Variants in TPTE2 observed in about 807,000 individuals in gnomAD.
TPTE2 encodes the protein transmembrane phosphoinositide 3-phosphatase and tensin homolog 2, also known as phosphatidylinositol 3,4,5-trisphosphate 3-phosphatase TPTE2.
TPTE2 carries 53 observed loss-of-function variants against 78.6 expected under a neutral mutation model. The observed-to-expected ratio is 0.67, with a 90% confidence interval of 0.54 to 0.85. The LOEUF (loss-of-function observed/expected upper bound fraction) is 0.85. Ranked by LOEUF, TPTE2 falls within the 40% of genes least tolerant of loss-of-function variation. TPTE2 has a pLI of 0.00. For synonymous variants in TPTE2, 175 were observed against 206.2 expected (o/e 0.85, Z 1.30); for missense variants, 461 against 623.0 (o/e 0.74, Z 2.77).
chr13:19,538,188 G>A (rs140289634), upstream of TPTE2, among the ~76,000 whole-genome samples: 1,615 of 152,142 alleles, frequency 0.011, 28 homozygotes, highest in African/African-American at 0.036. Flanking sequence ...CTACACCAGA[G>A]CCATAAAGAT....
chr13:19,465,299 C>A, exon 9 of TPTE2: 1 of 1,613,794 alleles, frequency 6.2e-7, no homozygotes, highest in Non-Finnish European at 8.5e-7. Context: ...CCTTGTGTAT[C>A]GCCTTTTGTT....
At chr13:19,427,079 CTTTTTTTTTTT>C (rs55904352) in intron 17 of TPTE2, among the ~76,000 whole-genome samples, 3 of 67,294 alleles carry the variant, frequency 4.5e-5, no homozygotes, top group East Asian at 8.6e-4. Flanking sequence ...CTTTTCTTTT[CTTTTTTTTTTT>C]TTTTTTTTTT....
intron 10 of TPTE2, among the ~76,000 whole-genome samples, chr13:19,456,469 A>T (rs1878542081): frequency 1.3e-5 from 2 of 152,220 alleles, no homozygotes; most frequent in African/African-American, 2.4e-5. Context: ...AGACAAACAA[A>T]TAAACAAAAG....
chr13:19,536,804 T>C (rs1253197385), upstream of TPTE2: 1 of 152,008 alleles, frequency 6.6e-6, no homozygotes, highest in Non-Finnish European at 1.5e-5. Flanking sequence ...AGAGGTTTTT[T>C]TGGGGGGGTA....
At chr13:19,509,095 GATA>G (rs563958253) in intron 1 of TPTE2, among the ~76,000 whole-genome samples, 28 of 152,088 alleles carry the variant, frequency 1.8e-4, no homozygotes, top group Non-Finnish European at 8.8e-5. Context: ...AGAACTGATT[GATA>G]ATAACATGAC....
In TPTE2 at chr13:19,437,972, C is replaced by T. The variant is rs894910362; in HGVS notation, c.1035+120G>A. On this transcript the variant is annotated intron_variant, in intron 14 of 19. Transcript: ENST00000400230. ...AATAGACTTTCTAAAAACTGCTTCTCTAATTACAATTTTACTAAGCACCAT... is the reference window on the plus strand; with the variant it reads ...AATAGACTTTCTAAAAACTGCTTCTTTAATTACAATTTTACTAAGCACCAT... 383 of 1,405,182 alleles carry T rather than the reference C, an allele frequency of 2.7e-4. 5 individuals are homozygous for T. The highest frequency in any genetic ancestry group is 1.7e-3 in the Middle Eastern group (9 of 5,290). 87.0% of individuals were successfully genotyped at this position (1,405,182 alleles called of 1,614,324 possible). A position where few individuals can be genotyped will look rare whatever the true frequency, so the allele number is the denominator to read the frequency against.
intron 1 of TPTE2, among the ~76,000 whole-genome samples, chr13:19,531,962 A>G (rs563507600): frequency 1.3e-5 from 2 of 152,330 alleles, no homozygotes; most frequent in East Asian, 3.9e-4. Context: ...GGGGCAATAC[A>G]TAGCCTGCCT....
Position 19,465,330 on chromosome 13 carries a change from A to C in TPTE2, c.613-12T>G. The C allele has an allele frequency of 6.2e-7, 1 of 1,613,914 alleles. No individual in the cohort carries two copies. Among genetic ancestry groups the C allele is most frequent in the Non-Finnish European group, 8.5e-7 (1 of 1,179,834 alleles). On this transcript the variant is annotated splice_polypyrimidine_tract_variant and intron_variant, in intron 8 of 19. Transcript: ENST00000400230. Reference sequence around the variant, plus strand: ...TTGTTTTCTGAAACCTGAGAGTTTAAAATCATCATTAGTTTGTGAAACATT... The same window carrying C: ...TTGTTTTCTGAAACCTGAGAGTTTACAATCATCATTAGTTTGTGAAACATT...
intron 1 of TPTE2, among the ~76,000 whole-genome samples, chr13:19,530,701 GTT>G (rs775340780): frequency 2.0e-5 from 3 of 151,874 alleles, no homozygotes; most frequent in Non-Finnish European, 2.9e-5. Context: ...CACACCATTT[GTT>G]TTTAAGAGAT....
At chr13:19,468,098 T>C (rs533864265) in intron 6 of TPTE2, among the ~76,000 whole-genome samples, 2 of 122,908 alleles carry the variant, frequency 1.6e-5, no homozygotes, top group African/African-American at 3.0e-5. Context: ...TGGAGTGCAA[T>C]GGCGTGATCT....
the TPTE2 span, among the ~76,000 whole-genome samples, chr13:19,549,535 T>C: frequency 6.6e-6 from 1 of 151,760 alleles, no homozygotes; most frequent in Non-Finnish European, 1.5e-5. Context: ...GGAATTGGAA[T>C]GCTTATACAC....
rs1328563826 is a variant in TPTE2, at chr13:19,510,822, G to A, written c.-43-7545C>T. Among the ~76,000 whole-genome samples, 3 of 152,106 alleles carry A rather than the reference G, an allele frequency of 2.0e-5. No individual in the cohort carries two copies. In the East Asian group the frequency reaches 5.8e-4, roughly 29 times the overall value. On this transcript the variant is annotated intron_variant, in intron 1 of 17. Coordinates refer to the TPTE2 transcript ENST00000390680. ...GAAAAATGGGCTAAGTTCATGAATG[G>A]ACCATTACAGAAGAAATCCCAAATG...
chr13:19,505,837 G>T (rs1270020843), upstream of TPTE2: 1 of 151,838 alleles, frequency 6.6e-6, no homozygotes, highest in Non-Finnish European at 1.5e-5. Flanking sequence ...AACCTCAGAG[G>T]TTCGTTCCTA....
chr13:19,469,377 G>T (rs763649842), intron 6 of TPTE2, among the ~76,000 whole-genome samples: 1 of 152,174 alleles, frequency 6.6e-6, no homozygotes, highest in East Asian at 1.9e-4. Context: ...CTGTTCCAGT[G>T]GTCTATGTGT....
rs192534064 is a variant in TPTE2 at position 19,530,630 on chromosome 13, G to C, written c.-44+5966C>G. 2.0e-3 allele frequency among the ~76,000 whole-genome samples: 310 copies of C among 152,128 alleles called. 1 individual carries two copies. The highest frequency in any genetic ancestry group is 4.3e-3 in the Admixed American group (66 of 15,282). On this transcript the variant is annotated intron_variant, in intron 1 of 17. Transcript: ENST00000390680. ...CATGATCGCAGATCACTGCCGCCTTGAACTCATGGGCTCAAGTGATCTTCC... is the reference window on the plus strand; with the variant it reads ...CATGATCGCAGATCACTGCCGCCTTCAACTCATGGGCTCAAGTGATCTTCC...
At chr13:19,518,469 T>C (rs1228488671) in intron 1 of TPTE2, among the ~76,000 whole-genome samples, 1 of 152,206 alleles carries the variant, frequency 6.6e-6, no homozygotes, top group Non-Finnish European at 1.5e-5. Flanking sequence ...ACTTCACTAA[T>C]GAAGATTTGC....
chr13:19,450,423 T>C, intron 11 of TPTE2, 79 bp from the exon 15 acceptor site: 1 of 1,296,022 alleles, frequency 7.7e-7, no homozygotes, highest in East Asian at 2.4e-5. Context: ...AGTTAACATA[T>C]CTTATTAGAA....
intron 1 of TPTE2, among the ~76,000 whole-genome samples, chr13:19,534,457 A>T (rs1050512220): frequency 6.6e-6 from 1 of 152,228 alleles, no homozygotes; most frequent in Non-Finnish European, 1.5e-5. Context: ...GAGCATCTTC[A>T]TAAAGATGTT....
At chr13:19,489,862 T>C (rs890864611) in intron 3 of TPTE2, among the ~76,000 whole-genome samples, 1 of 151,956 alleles carries the variant, frequency 6.6e-6, no homozygotes, top group Non-Finnish European at 1.5e-5. Context: ...ATCAAAGATA[T>C]ATCAAAGTAG....
Sources: gnomAD v4.1 joint callset for allele counts (sites outside exome capture counted in the v4.1 genomes callset) on GRCh38, gnomAD v4.1.1 for gene constraint, MANE v1.5 for transcripts, NCBI Gene and HGNC (gene_info 2026-07-23, HGNC 2026-07-21) for gene names.